CPNE8: variants seen among roughly 807,000 people sequenced by gnomAD.
The protein encoded by CPNE8 is copine 8, also known as copine-8.
In CPNE8, 45 loss-of-function variants were observed where a neutral mutation model predicts 81.5. That is an observed-to-expected ratio of 0.55 (90% CI 0.44 to 0.71). The LOEUF (loss-of-function observed/expected upper bound fraction) is 0.71. CPNE8 is among the 30% of genes least tolerant of loss of function. CPNE8 has a pLI of 0.00. For missense variants in CPNE8, 594 were observed against 672.1 expected (o/e 0.88, Z 1.28); for synonymous variants, 252 against 226.3 (o/e 1.11, Z -1.02).
rs1257520457 is a variant in CPNE8 at position 38,800,069 on chromosome 12, G to A, written c.408-23768C>T. On this transcript the variant is annotated intron_variant, in intron 6 of 19. Coordinates refer to ENST00000331366, the MANE Select transcript of CPNE8 (RefSeq NM_153634.3). ...TGAGATCAAACTGCAAGGCGGCAAC[G>A]AGGCTGGGGGAGGGGCGCCCGCCAT... Among the ~76,000 whole-genome samples the A allele has an allele frequency of 1.9e-4, 25 of 129,354 alleles. No homozygotes were observed. The East Asian group carries it at 3.1e-3, about 16-fold the overall frequency. The allele number at this position is 129,354 out of a possible 152,430, so 84.9% of individuals were successfully genotyped here.
intron 6 of CPNE8, among the ~76,000 whole-genome samples, chr12:38,805,756 G>C (rs1281125225): frequency 2.1e-5 from 3 of 144,648 alleles, no homozygotes; most frequent in African/African-American, 5.0e-5. Context: ...ACTAAGATCA[G>C]AGCAGAACTG....
At position 38,679,900 on chromosome 12, in the gene CPNE8, T is replaced by C. The variant is rs1467526015; in HGVS notation, c.1272-2346A>G. 2.0e-5 allele frequency among the ~76,000 whole-genome samples: 3 copies of C among 151,922 alleles called. No individual in the cohort carries two copies. In the East Asian group the frequency reaches 5.8e-4, roughly 29 times the overall value. On this transcript the variant is annotated intron_variant, in intron 16 of 19. Coordinates refer to ENST00000331366, the MANE Select transcript of CPNE8 (RefSeq NM_153634.3). ...GCTGGCCACACCTCAATACTTTTTC[T>C]AGGAGGTGACACTGATATATAGACT...
intron 10 of CPNE8, among the ~76,000 whole-genome samples, chr12:38,756,352 CTTTT>C (rs5797594): frequency 4.4e-5 from 6 of 135,162 alleles, no homozygotes; most frequent in African/African-American, 8.3e-5. Flanking sequence ...GCATTTTCCA[CTTTT>C]TTTTTTTTTT....
chr12:38,681,955 T>A (rs1231071040), intron 16 of CPNE8, among the ~76,000 whole-genome samples: 2 of 152,212 alleles, frequency 1.3e-5, no homozygotes, highest in Non-Finnish European at 2.9e-5. Flanking sequence ...GCCCAGTGGC[T>A]CATGCCAGTA....
intron 5 of CPNE8, among the ~76,000 whole-genome samples, chr12:38,839,656 G>C (rs1943437640): frequency 1.3e-5 from 2 of 151,876 alleles, no homozygotes; most frequent in African/African-American, 4.8e-5. Context: ...AACATCACTG[G>C]GAACTGTAAT....
At chr12:38,839,489 T>C (rs369863165) in intron 5 of CPNE8, among the ~76,000 whole-genome samples, 23 of 151,916 alleles carry the variant, frequency 1.5e-4, no homozygotes, top group African/African-American at 5.3e-4. Context: ...CTGGCATATA[T>C]AGATATTCAG....
chr12:38,688,394 T>C (rs899681611), intron 15 of CPNE8, among the ~76,000 whole-genome samples: 2 of 152,200 alleles, frequency 1.3e-5, no homozygotes, highest in African/African-American at 4.8e-5. Flanking sequence ...TTTTAGTATA[T>C]GCTCTGGATT....
chr12:38,728,343 T>C (rs775711437), intron 11 of CPNE8, among the ~76,000 whole-genome samples: 52 of 152,070 alleles, frequency 3.4e-4, no homozygotes, highest in Non-Finnish European at 6.8e-4. Context: ...AGGATGAAAG[T>C]ATGAAACAGT....
At position 38,719,341 on chromosome 12, in the gene CPNE8, T is replaced by C. The variant is rs116518969; in HGVS notation, c.914+4431A>G. ...CAATTTGGCTGGGTGTGGTGGCTCA[T>C]TCCTGTGATTCCAGCACTTTGGGAG... On this transcript the variant is annotated intron_variant, in intron 13 of 19. Coordinates refer to ENST00000331366, the MANE Select transcript of CPNE8 (RefSeq NM_153634.3). Among the ~76,000 whole-genome samples, 466 of 152,236 alleles carry C rather than the reference T, an allele frequency of 3.1e-3. 1 individual carries two copies. Among genetic ancestry groups the C allele is most frequent in the African/African-American group, 0.01 (429 of 41,564 alleles).
chr12:38,717,725 G>A (rs1940441297), intron 13 of CPNE8, among the ~76,000 whole-genome samples: 1 of 151,430 alleles, frequency 6.6e-6, no homozygotes, highest in Non-Finnish European at 1.5e-5. Flanking sequence ...TATTGCTCAG[G>A]TGACAAGTGC....
chr12:38,859,379 T>C (rs1943795542), intron 3 of CPNE8, among the ~76,000 whole-genome samples: 1 of 151,898 alleles, frequency 6.6e-6, no homozygotes, highest in Admixed American at 6.6e-5. Flanking sequence ...GGTAATAAAC[T>C]TAACTAAGAA....
intron 6 of CPNE8, among the ~76,000 whole-genome samples, chr12:38,805,677 T>TAAA (rs71068581): frequency 1.9e-5 from 2 of 104,866 alleles, no homozygotes; most frequent in East Asian, 8.5e-4. Context: ...AAAAAAACAT[T>TAAA]AAAAAAAAAA....
intron 6 of CPNE8, among the ~76,000 whole-genome samples, chr12:38,793,333 C>T (rs1313663562): frequency 6.7e-6 from 1 of 149,084 alleles, no homozygotes; most frequent in Non-Finnish European, 1.5e-5. Context: ...AAAAATTACA[C>T]ACACACACAC....
intron 5 of CPNE8, among the ~76,000 whole-genome samples, chr12:38,836,279 T>C (rs558072245): frequency 6.6e-6 from 1 of 152,180 alleles, no homozygotes; most frequent in South Asian, 2.1e-4. Context: ...CTAGATTCCA[T>C]AAGTCTTTGT....
intron 6 of CPNE8, among the ~76,000 whole-genome samples, chr12:38,805,904 A>G (rs1410325593): frequency 1.3e-5 from 2 of 149,788 alleles, no homozygotes; most frequent in African/African-American, 2.4e-5. Flanking sequence ...GACACAATAA[A>G]AAATGATAAA....
At chr12:38,786,285 GGT>G (rs747540414) in intron 6 of CPNE8, among the ~76,000 whole-genome samples, 1 of 152,068 alleles carries the variant, frequency 6.6e-6, no homozygotes, top group African/African-American at 2.4e-5. Context: ...ATTGATCCTG[GGT>G]GTGTGTGTGA....
chr12:38,856,536 G>A (rs1943738024), intron 3 of CPNE8, among the ~76,000 whole-genome samples: 1 of 152,092 alleles, frequency 6.6e-6, no homozygotes, highest in Admixed American at 6.5e-5. Flanking sequence ...TAGACACCTG[G>A]TGTCATCAAC....
intron 6 of CPNE8, among the ~76,000 whole-genome samples, chr12:38,798,734 A>G (rs1047404161): frequency 6.6e-5 from 10 of 152,168 alleles, no homozygotes; most frequent in Admixed American, 1.3e-4. Context: ...AAATGCTCCA[A>G]TTGAAAGACA....
intron 1 of CPNE8, among the ~76,000 whole-genome samples, chr12:38,886,771 C>T (rs1944243452): frequency 6.6e-6 from 1 of 152,038 alleles, no homozygotes; most frequent in Admixed American, 6.6e-5. Context: ...GTCGGCCCAG[C>T]CAGGGTCTGG....
Sources: gnomAD v4.1 joint callset for allele counts (sites outside exome capture counted in the v4.1 genomes callset) on GRCh38, gnomAD v4.1.1 for gene constraint, MANE v1.5 for transcripts, NCBI Gene and HGNC (gene_info 2026-07-23, HGNC 2026-07-21) for gene names.